The following TMEM182 variants were observed in gnomAD, a reference collection of about 807,000 sequenced individuals.
TMEM182 encodes transmembrane protein 182.
In TMEM182, 20 loss-of-function variants were observed where a neutral mutation model predicts 26.8. The ratio of observed to expected loss-of-function variants is 0.75; its 90% CI spans 0.53 to 1.09. The LOEUF is 1.09. Ranked by LOEUF, TMEM182 falls within the 50% of genes least tolerant of loss-of-function variation. TMEM182 has a pLI of 0.00. For synonymous variants in TMEM182, 109 were observed against 102.2 expected, an observed-to-expected ratio of 1.07 and a Z score of -0.40; for missense variants, 277 against 275.5, an observed-to-expected ratio of 1.01 and a Z score of -0.04.
At position 102,762,328 on chromosome 2, in the gene TMEM182, G is replaced by A. The variant is rs553754326; in HGVS notation, c.111G>A (p.Gly37=). The change falls in exon 1 of 5, where the codon GGG becomes GGA. Residue 37 remains glycine (G), a synonymous_variant. Coordinates refer to ENST00000412401, the MANE Select transcript of TMEM182 (RefSeq NM_144632.5). ...ATTGGCTTCTTGCAACTGAAGTGGG[G>A]AGATGTTCAGGTGAAAAGAATGTGA... ...SDYWLLATEV[G]RCSGEKNIEN... The A allele has an allele frequency of 1.2e-6, 2 of 1,613,800 alleles. No homozygotes were observed. The highest frequency in any genetic ancestry group is 1.7e-5 in the Admixed American group (1 of 59,984).
chr2:102,753,943 A>G (rs1411170048), intron 1 of TMEM182, among the ~76,000 whole-genome samples: 2 of 152,192 alleles, frequency 1.3e-5, no homozygotes, highest in African/African-American at 4.8e-5. Flanking sequence ...CCTGTGAATA[A>G]TCCCTGAAAA....
intron 3 of TMEM182, among the ~76,000 whole-genome samples, chr2:102,765,109 A>G (rs1317289826): frequency 6.6e-6 from 1 of 152,186 alleles, no homozygotes; most frequent in Non-Finnish European, 1.5e-5. Context: ...GTTCTCCAGA[A>G]AAAAGAGAAA....
At chr2:102,800,968 A>G (rs1682103097) in intron 4 of TMEM182, among the ~76,000 whole-genome samples, 2 of 152,304 alleles carry the variant, frequency 1.3e-5, no homozygotes, top group South Asian at 2.1e-4. Context: ...ATGTACTCAT[A>G]TATCCATACA....
intron 3 of TMEM182, among the ~76,000 whole-genome samples, chr2:102,790,649 T>C (rs1177763861): frequency 6.6e-6 from 1 of 152,176 alleles, no homozygotes; most frequent in East Asian, 1.9e-4. Context: ...TTTTTGGTTA[T>C]TTTTATTTTT....
At chr2:102,805,174 T>C (rs1487836756) in intron 4 of TMEM182, among the ~76,000 whole-genome samples, 1 of 152,260 alleles carries the variant, frequency 6.6e-6, no homozygotes, top group East Asian at 1.9e-4. Flanking sequence ...TTTCTCTGAT[T>C]CTTCCTTGCA....
chr2:102,754,511 G>T (rs1253455798), intron 1 of TMEM182, among the ~76,000 whole-genome samples: 3 of 152,176 alleles, frequency 2.0e-5, no homozygotes, highest in African/African-American at 7.2e-5. Context: ...CTCCAAAAAA[G>T]ATGTCAGAAC....
At chr2:102,807,363 A>C (rs993271598) in intron 4 of TMEM182, among the ~76,000 whole-genome samples, 1 of 152,214 alleles carries the variant, frequency 6.6e-6, no homozygotes, top group African/African-American at 2.4e-5. Flanking sequence ...ATGGAAAACA[A>C]GTCTGAGAAA....
At chr2:102,786,849 C>A (rs944754756) in intron 3 of TMEM182, among the ~76,000 whole-genome samples, 1 of 152,144 alleles carries the variant, frequency 6.6e-6, no homozygotes, top group Non-Finnish European at 1.5e-5. Context: ...GACTGAGTCC[C>A]GGACACTCAC....
chr2:102,771,188 T>C (rs551794378), intron 3 of TMEM182, among the ~76,000 whole-genome samples: 37 of 152,100 alleles, frequency 2.4e-4, no homozygotes, highest in Non-Finnish European at 4.6e-4. Context: ...CTTAGCCTCC[T>C]TTTCCCATAA....
intron 4 of TMEM182, among the ~76,000 whole-genome samples, chr2:102,807,474 G>C (rs1213578858): frequency 6.6e-6 from 1 of 152,174 alleles, no homozygotes; most frequent in Non-Finnish European, 1.5e-5. Flanking sequence ...ATGTAAAGAA[G>C]AGCAAACTAA....
chr2:102,817,245 C>T lies in TMEM182; in HGVS notation c.*2277C>T. 1 of 985,146 alleles carries T rather than the reference C, an allele frequency of 1.0e-6. No individual in the cohort carries two copies. Among genetic ancestry groups the T allele is most frequent in the South Asian group, 4.7e-5 (1 of 21,282 alleles). The allele number at this position is 985,146 out of a possible 1,614,324, so 61.0% of individuals were successfully genotyped here. A position where few individuals can be genotyped will look rare whatever the true frequency, so the allele number is the denominator to read the frequency against. On this transcript the variant is annotated 3_prime_UTR_variant, in exon 5 of 5. Transcript: ENST00000412401. ...AAATGTCCATGTTATGTTTATTTCTCTATTGGTTGTATTTATTAATTTTTA... is the reference window on the plus strand; with the variant it reads ...AAATGTCCATGTTATGTTTATTTCTTTATTGGTTGTATTTATTAATTTTTA...
intron 3 of TMEM182, among the ~76,000 whole-genome samples, chr2:102,791,523 G>A (rs374306864): frequency 1.1e-4 from 16 of 152,228 alleles, no homozygotes; most frequent in East Asian, 9.6e-4. Context: ...CTGATTGGCC[G>A]CCATCCTCAT....
intron 3 of TMEM182, among the ~76,000 whole-genome samples, chr2:102,836,013 G>T (rs1683240213): frequency 6.6e-6 from 1 of 151,990 alleles, no homozygotes; most frequent in African/African-American, 2.4e-5. Context: ...ATTCAGATTG[G>T]GTTATTTCAC....
At chr2:102,804,525 A>G (rs1682275042) in intron 4 of TMEM182, among the ~76,000 whole-genome samples, 2 of 152,184 alleles carry the variant, frequency 1.3e-5, no homozygotes, top group South Asian at 4.1e-4. Flanking sequence ...CATTGTATAT[A>G]TGTACCACAG....
At chr2:102,752,796 C>T (rs1573490738) in intron 1 of TMEM182, among the ~76,000 whole-genome samples, 1 of 152,264 alleles carries the variant, frequency 6.6e-6, no homozygotes, top group East Asian at 1.9e-4. Context: ...GTAACATACC[C>T]CAGAGACAAA....
At chr2:102,770,743 G>A (rs1045143682) in intron 3 of TMEM182, among the ~76,000 whole-genome samples, 4 of 152,166 alleles carry the variant, frequency 2.6e-5, no homozygotes, top group Non-Finnish European at 5.9e-5. Context: ...CTGCGGCTTG[G>A]AATAGCCACC....
intron 1 of TMEM182, among the ~76,000 whole-genome samples, chr2:102,738,611 T>G (rs981820288): frequency 6.6e-6 from 1 of 151,984 alleles, no homozygotes; most frequent in East Asian, 1.9e-4. Context: ...TAATAAAAGA[T>G]TTGGAAGTCT....
At position 102,816,517 on chromosome 2, in the gene TMEM182, A is replaced by AATG; in HGVS notation, c.*1551_*1552insGAT. On this transcript the variant is annotated 3_prime_UTR_variant, in exon 5 of 5. Coordinates refer to ENST00000412401, the MANE Select transcript of TMEM182 (RefSeq NM_144632.5). ...TTTCATGACAGGACTTGCCAATAAT[A>AATG]ATAATAATAATAATAATAATAATAA... 1 of 953,570 alleles carries AATG rather than the reference A, an allele frequency of 1.0e-6. No homozygotes were observed. Among genetic ancestry groups the AATG allele is most frequent in the Non-Finnish European group, 1.2e-6 (1 of 803,664 alleles). The allele number at this position is 953,570 out of a possible 1,614,324, so 59.1% of individuals were successfully genotyped here. A position where few individuals can be genotyped will look rare whatever the true frequency, so the allele number is the denominator to read the frequency against.
At chr2:102,829,789 G>A (rs933107784) in intron 3 of TMEM182, among the ~76,000 whole-genome samples, 6 of 152,102 alleles carry the variant, frequency 3.9e-5, no homozygotes, top group African/African-American at 1.2e-4. Flanking sequence ...TATGATTCCT[G>A]TTCTTGGCTT....
Sources: allele counts gnomAD v4.1 joint callset (sites outside exome capture counted in the v4.1 genomes callset), GRCh38; gene constraint gnomAD v4.1.1; transcripts MANE v1.5; gene names NCBI Gene and HGNC (gene_info 2026-07-23, HGNC 2026-07-21).